Variants in CNTNAP4 observed in about 807,000 individuals in gnomAD.
CNTNAP4 encodes contactin-associated protein-like 4.
CNTNAP4 carries 98 observed loss-of-function variants against 148.4 expected under a neutral mutation model. The observed-to-expected ratio is 0.66, with a 90% confidence interval of 0.56 to 0.78. CNTNAP4 has a LOEUF of 0.78. Ranked by LOEUF, CNTNAP4 falls within the 30% of genes least tolerant of loss-of-function variation. The pLI, the probability that CNTNAP4 is intolerant of heterozygous loss-of-function variation, is 0.00. For missense variants in CNTNAP4, 1,935 were observed against 1,565.6 expected (o/e 1.24, Z -3.98); for synonymous variants, 730 against 565.1 (o/e 1.29, Z -4.14).
At chr16:76,278,089 G>T (rs1338577737) in intron 1 of CNTNAP4, among the ~76,000 whole-genome samples, 1 of 152,114 alleles carries the variant, frequency 6.6e-6, no homozygotes, top group African/African-American at 2.4e-5. Flanking sequence ...CTTTTTTAAA[G>T]AACTACTGAA....
chr16:76,483,502 A>C (rs2081916811), intron 12 of CNTNAP4, among the ~76,000 whole-genome samples: 1 of 152,158 alleles, frequency 6.6e-6, no homozygotes, highest in South Asian at 2.1e-4. Context: ...ATTAACATTG[A>C]GCTCATGGCC....
chr16:76,385,547 A>AGTGTGTGTGT (rs3035895), intron 3 of CNTNAP4, among the ~76,000 whole-genome samples: 67 of 148,996 alleles, frequency 4.5e-4, no homozygotes, highest in African/African-American at 1.6e-3. Flanking sequence ...TTTAATTAGA[A>AGTGTGTGTGT]GTGTGTGTGT....
At chr16:76,435,253 G>T (rs1384820098) in intron 4 of CNTNAP4, among the ~76,000 whole-genome samples, 2 of 152,084 alleles carry the variant, frequency 1.3e-5, no homozygotes, top group African/African-American at 4.8e-5. Context: ...ATTCAACCTA[G>T]AAGTTTTCTA....
intron 3 of CNTNAP4, among the ~76,000 whole-genome samples, chr16:76,373,517 T>C: frequency 6.6e-6 from 1 of 152,156 alleles, no homozygotes; most frequent in East Asian, 1.9e-4. Flanking sequence ...AAAAATACTT[T>C]GGGTGACTTA....
intron 3 of CNTNAP4, among the ~76,000 whole-genome samples, chr16:76,394,958 A>G (rs1216445211): frequency 2.6e-5 from 4 of 152,092 alleles, no homozygotes; most frequent in Non-Finnish European, 4.4e-5. Context: ...TGATACCAGG[A>G]TGAATACCTT....
rs775668979 is a variant in CNTNAP4 at position 76,467,316 on chromosome 16, T to C, written c.1484-36T>C. On this transcript the variant is annotated intron_variant, in intron 9 of 23. Transcript: ENST00000611870. ...ATCTATGATCCTGAATTCTGATTCATTGTGATGCGTACTGGATTTATTTCG... is the reference window on the plus strand; with the variant it reads ...ATCTATGATCCTGAATTCTGATTCACTGTGATGCGTACTGGATTTATTTCG... 6 of 1,587,502 alleles carry C rather than the reference T, an allele frequency of 3.8e-6. No homozygotes were observed. The South Asian group carries it at 4.5e-5, about 12-fold the overall frequency.
At chr16:76,434,185 A>G (rs1334460612) in intron 4 of CNTNAP4, among the ~76,000 whole-genome samples, 3 of 151,004 alleles carry the variant, frequency 2.0e-5, no homozygotes, top group South Asian at 2.1e-4. Context: ...AGGGGAGTTT[A>G]TTAAGTATTA....
chr16:76,465,703 A>G (rs2081151942), intron 9 of CNTNAP4, among the ~76,000 whole-genome samples: 1 of 152,210 alleles, frequency 6.6e-6, no homozygotes, highest in African/African-American at 2.4e-5. Flanking sequence ...TATGGTAACC[A>G]TATCTTACAC....
In CNTNAP4 at chr16:76,452,658, C is replaced by T. The variant is rs751486424; in HGVS notation, c.1222C>T (p.Leu408=). The change falls in exon 8 of 24, where the codon CTG becomes TTG. Residue 408 remains leucine, a synonymous_variant. Coordinates refer to ENST00000611870, the MANE Select transcript of CNTNAP4 (RefSeq NM_033401.5). ...AACTTGGAATAAGGCAGGGCTTCTG[C>T]TGTTCAGTGAACTTCAGCTGATTTC... ...FRTWNKAGLL[L]FSELQLISGG... 21 of 1,613,804 alleles carry T rather than the reference C, an allele frequency of 1.3e-5. No homozygotes were observed. Among genetic ancestry groups the T allele is most frequent in the Middle Eastern group, 1.6e-4 (1 of 6,084 alleles).
At chr16:76,313,906 T>G (rs1466148671) in intron 1 of CNTNAP4, among the ~76,000 whole-genome samples, 2 of 152,112 alleles carry the variant, frequency 1.3e-5, no homozygotes, top group African/African-American at 2.4e-5. Context: ...TAGAGAAATA[T>G]TTTTCTGATT....
intron 15 of CNTNAP4, among the ~76,000 whole-genome samples, chr16:76,510,567 A>T (rs1223454946): frequency 6.6e-6 from 1 of 151,700 alleles, no homozygotes; most frequent in East Asian, 1.9e-4. Flanking sequence ...CGTAATTTTT[A>T]TGTGGCATGC....
intron 15 of CNTNAP4, among the ~76,000 whole-genome samples, chr16:76,512,160 TGGTA>T (rs1358090562): frequency 1.3e-5 from 2 of 151,570 alleles, no homozygotes; most frequent in African/African-American, 4.8e-5. Flanking sequence ...AGAAAGAGAG[TGGTA>T]GAAGTCAGAG....
At chr16:76,287,277 A>G (rs1177880652) in intron 1 of CNTNAP4, among the ~76,000 whole-genome samples, 3 of 152,242 alleles carry the variant, frequency 2.0e-5, no homozygotes, top group African/African-American at 7.2e-5. Context: ...GGTCAAATAC[A>G]TACTAGGGGA....
Position 76,560,565 on chromosome 16 carries a change from C to T in CNTNAP4, c.*1882C>T, listed in dbSNP as rs557805022. 5.3e-5 allele frequency among the ~76,000 whole-genome samples: 8 copies of T among 152,200 alleles called. No individual in the cohort carries two copies. The South Asian group carries it at 1.0e-3, about 20-fold the overall frequency. On this transcript the variant is annotated 3_prime_UTR_variant, in exon 24 of 24. Coordinates refer to ENST00000611870, the MANE Select transcript of CNTNAP4 (RefSeq NM_033401.5). ...TGCAGATGTTCATGTTATTTAGTAG[C>T]GGTATTAACCTCATTGGTAGCTGAA...
intron 2 of CNTNAP4, among the ~76,000 whole-genome samples, chr16:76,323,866 G>A (rs1233295822): frequency 2.6e-5 from 4 of 152,252 alleles, no homozygotes; most frequent in Admixed American, 2.6e-4. Flanking sequence ...TCTGAAATCA[G>A]GGAAACTAGA....
Position 76,391,311 on chromosome 16 carries a change from C to T in CNTNAP4, c.390+35800C>T, listed in dbSNP as rs572382489. On this transcript the variant is annotated intron_variant, in intron 3 of 23. Coordinates refer to ENST00000611870, the MANE Select transcript of CNTNAP4 (RefSeq NM_033401.5). ...TCAAATGTTCGCATTTGACGTTTCA[C>T]ATCTCTTATTATTTTCTGGGGGAAA... Among the ~76,000 whole-genome samples the T allele has an allele frequency of 5.9e-5, 9 of 152,296 alleles. No individual in the cohort carries two copies. The East Asian group carries it at 1.7e-3, about 29-fold the overall frequency.
intron 3 of CNTNAP4, among the ~76,000 whole-genome samples, chr16:76,417,964 AG>A (rs2079046357): frequency 6.6e-6 from 1 of 151,502 alleles, no homozygotes; most frequent in African/African-American, 2.4e-5. Flanking sequence ...GTCCAATGTA[AG>A]TTTTATCTTT....
chr16:76,328,072 T>C (rs1259308621), intron 2 of CNTNAP4, among the ~76,000 whole-genome samples: 1 of 152,164 alleles, frequency 6.6e-6, no homozygotes, highest in African/African-American at 2.4e-5. Flanking sequence ...CCAAATAATT[T>C]ATATAGATTT....
intron 21 of CNTNAP4, among the ~76,000 whole-genome samples, chr16:76,541,056 A>T (rs1482599958): frequency 2.6e-5 from 4 of 152,222 alleles, no homozygotes; most frequent in Non-Finnish European, 5.9e-5. Context: ...ATATGGTATT[A>T]TTCTCACATT....
Sources: gnomAD v4.1 joint callset for allele counts (sites outside exome capture counted in the v4.1 genomes callset) on GRCh38, gnomAD v4.1.1 for gene constraint, MANE v1.5 for transcripts, NCBI Gene and HGNC (gene_info 2026-07-23, HGNC 2026-07-21) for gene names.